STOX2: variants seen among roughly 807,000 people sequenced by gnomAD.
STOX2 encodes storkhead-box protein 2.
A neutral mutation model predicts 60.9 loss-of-function variants in STOX2; 28 were observed. The observed-to-expected ratio is 0.46, with a 90% CI of 0.34 to 0.63. The LOEUF (loss-of-function observed/expected upper bound fraction) is 0.63, where lower values mean the gene tolerates loss of function less well. Ranked by LOEUF, STOX2 falls within the 30% of genes least tolerant of loss-of-function variation. The probability of loss-of-function intolerance (pLI) is 0.01; values close to 1 mark genes in which losing one functional copy is unlikely to be tolerated. For missense variants in STOX2, 1,024 were observed against 1,187.7 expected (o/e 0.86, Z 2.03); for synonymous variants, 472 against 463.9 (o/e 1.02, Z -0.22).
intron 1 of STOX2, chr4:183,853,967 A>G (rs1356429416): frequency 6.6e-6 from 1 of 152,246 alleles, no homozygotes; most frequent in Non-Finnish European, 1.5e-5. Flanking sequence ...GAACTTGTCT[A>G]TAATCTGAAA....
At chr4:183,876,009 G>T (rs1000245839) in intron 1 of STOX2, among the ~76,000 whole-genome samples, 3 of 152,136 alleles carry the variant, frequency 2.0e-5, no homozygotes, top group Non-Finnish European at 4.4e-5. Flanking sequence ...CACTGCACCT[G>T]GCCACATGAA....
chr4:183,798,137 G>A, intron 1 of STOX2: 1 of 1,189,200 alleles, frequency 8.4e-7, no homozygotes, highest in Non-Finnish European at 1.0e-6. Context: ...GCCCCGCCCT[G>A]CCCCAGCCCG....
intron 1 of STOX2, among the ~76,000 whole-genome samples, chr4:183,965,975 T>G (rs955053772): frequency 6.6e-6 from 1 of 151,020 alleles, no homozygotes; most frequent in African/African-American, 2.4e-5. Context: ...ATTTATGGGA[T>G]AGAGTGAACA....
chr4:183,998,290 A>G (rs1310750047), intron 1 of STOX2, among the ~76,000 whole-genome samples: 1 of 152,130 alleles, frequency 6.6e-6, no homozygotes, highest in African/African-American at 2.4e-5. Flanking sequence ...ATCTGACTTT[A>G]AAAATCATCC....
intron 1 of STOX2, among the ~76,000 whole-genome samples, chr4:183,948,244 A>AC (rs1742959785): frequency 2.0e-5 from 3 of 146,460 alleles, no homozygotes; most frequent in East Asian, 3.9e-4. Context: ...AAAAAAAAAA[A>AC]CACGAAAAAG....
intron 1 of STOX2, among the ~76,000 whole-genome samples, chr4:183,949,825 T>C (rs1396591083): frequency 1.3e-5 from 2 of 152,244 alleles, no homozygotes; most frequent in African/African-American, 4.8e-5. Context: ...GGTGGTCTTA[T>C]CCGTTTAGAC....
intron 1 of STOX2, among the ~76,000 whole-genome samples, chr4:183,910,909 C>T (rs1188173438): frequency 6.6e-6 from 1 of 152,162 alleles, no homozygotes; most frequent in Non-Finnish European, 1.5e-5. Flanking sequence ...GCACGTTTGA[C>T]TGTGTGTTCC....
intron 1 of STOX2, among the ~76,000 whole-genome samples, chr4:183,972,494 G>A (rs973906359): frequency 2.0e-5 from 3 of 152,154 alleles, no homozygotes; most frequent in Non-Finnish European, 4.4e-5. Flanking sequence ...CATTACAAAC[G>A]CTTTGAGAGC....
chr4:183,990,135 G>A (rs750722632), intron 1 of STOX2, among the ~76,000 whole-genome samples: 6 of 152,118 alleles, frequency 3.9e-5, no homozygotes, highest in Non-Finnish European at 8.8e-5. Flanking sequence ...GCTGAGTCAG[G>A]TTTAAAGGAT....
chr4:183,855,561 A>G (rs1209315864), intron 1 of STOX2, among the ~76,000 whole-genome samples: 1 of 152,194 alleles, frequency 6.6e-6, no homozygotes, highest in Non-Finnish European at 1.5e-5. Flanking sequence ...AGAAAAACGA[A>G]TGGTCGTCTA....
intron 1 of STOX2, among the ~76,000 whole-genome samples, chr4:183,897,868 G>A (rs569055980): frequency 6.6e-6 from 1 of 152,118 alleles, no homozygotes; most frequent in African/African-American, 2.4e-5. Flanking sequence ...GCTTCTCCAC[G>A]CTGGTTAACA....
intron 1 of STOX2, among the ~76,000 whole-genome samples, chr4:183,958,917 C>T (rs1743335533): frequency 6.6e-6 from 1 of 152,092 alleles, no homozygotes; most frequent in African/African-American, 2.4e-5. Context: ...GTGGGCAGTT[C>T]TGGAGAGAAT....
At chr4:183,944,937 A>T (rs1184869642) in intron 1 of STOX2, among the ~76,000 whole-genome samples, 1 of 152,250 alleles carries the variant, frequency 6.6e-6, no homozygotes, top group Non-Finnish European at 1.5e-5. Flanking sequence ...CAGCTTACAG[A>T]ATGATACACA....
chr4:183,936,493 T>A (rs568610048), intron 1 of STOX2, among the ~76,000 whole-genome samples: 1 of 152,058 alleles, frequency 6.6e-6, no homozygotes, highest in African/African-American at 2.4e-5. Flanking sequence ...CCTGATAGTA[T>A]CTTTTTTTTT....
intron 1 of STOX2, among the ~76,000 whole-genome samples, chr4:183,985,636 A>T (rs1255894204): frequency 2.0e-5 from 3 of 152,226 alleles, no homozygotes. Context: ...TTATTTGTAC[A>T]TTCTCATCCC....
chr4:184,022,588 G>A lies in STOX2; in HGVS notation c.*5304G>A, dbSNP rs1298596867. On this transcript the variant is annotated 3_prime_UTR_variant, in exon 4 of 4. Transcript: ENST00000308497. ...AATGGGGTGTTTCAAGTCAGGCAGC[G>A]ATGATTCTGGAAGGTTGGAAATGTA... is the stretch of plus-strand genomic sequence containing the variant. 2.0e-5 allele frequency: 3 copies of A among 152,004 alleles called. No individual in the cohort carries two copies. The highest frequency in any genetic ancestry group is 4.4e-5 in the Non-Finnish European group (3 of 68,032). 9.4% of individuals were successfully genotyped at this position (152,004 alleles called of 1,614,324 possible).
chr4:183,940,094 G>T (rs756124491), intron 1 of STOX2, among the ~76,000 whole-genome samples: 1 of 152,104 alleles, frequency 6.6e-6, no homozygotes, highest in Non-Finnish European at 1.5e-5. Flanking sequence ...GTAGATTCGG[G>T]GTTTCGCCAT....
In STOX2 at chr4:184,009,468, T is replaced by C. The variant is rs942064497; in HGVS notation, c.630T>C (p.His210=). 3.1e-6 allele frequency: 5 copies of C among 1,614,036 alleles called. No individual in the cohort carries two copies. The highest frequency in any genetic ancestry group is 1.7e-5 in the Admixed American group (1 of 60,028). ...HCCREDVHST[H]APTLQRKSAK... The stretch of plus-strand genomic sequence containing the variant: ...GCAGAGAAGACGTGCACAGCACGCA[T>C]GCACCCACCCTGCAAAGGAAGTCTG... Residue 210 remains histidine, a synonymous_variant, in exon 3 of 4, where the codon CAT becomes CAC. Transcript: ENST00000308497. The surrounding 1 kb of genome is among the most constrained non-coding windows in gnomAD (Gnocchi z 4.0).
At chr4:183,841,143 G>A (rs947884089) in intron 1 of STOX2, among the ~76,000 whole-genome samples, 4 of 152,140 alleles carry the variant, frequency 2.6e-5, no homozygotes, top group African/African-American at 7.2e-5. Flanking sequence ...GGGATTACAG[G>A]CGTGTGTCAC....
Sources: allele counts gnomAD v4.1 joint callset (sites outside exome capture counted in the v4.1 genomes callset), GRCh38; gene constraint gnomAD v4.1.1; non-coding constraint Gnocchi (gnomAD v3.1); transcripts MANE v1.5; gene names NCBI Gene and HGNC (gene_info 2026-07-23, HGNC 2026-07-21).